The following BUD23 variants were observed in gnomAD, a reference collection of about 807,000 sequenced individuals.
BUD23 encodes the protein 18S rRNA (guanine-N(7))-methyltransferase.
A neutral mutation model predicts 47.0 loss-of-function variants in BUD23; 34 were observed. The observed-to-expected ratio is 0.72, with a 90% CI of 0.55 to 0.96. The LOEUF (loss-of-function observed/expected upper bound fraction) is 0.96, where lower values mean the gene tolerates loss of function less well. Ranked by LOEUF, BUD23 falls within the 40% of genes least tolerant of loss-of-function variation. The pLI is 0.00. For missense variants in BUD23, 343 were observed against 361.2 expected (o/e 0.95, Z 0.41); for synonymous variants, 124 against 132.0 (o/e 0.94, Z 0.41).
intron 9 of BUD23, 87 bp downstream of exon 9, chr7:73,693,756 C>G: frequency 6.4e-7 from 1 of 1,560,316 alleles, no homozygotes; most frequent in Admixed American, 1.7e-5. Context: ...TGGGAGAACA[C>G]TGGTGGGGAA....
chr7:73,684,528 G>A (rs1339750743), intron 2 of BUD23, among the ~76,000 whole-genome samples: 1 of 149,362 alleles, frequency 6.7e-6, no homozygotes, highest in Non-Finnish European at 1.5e-5. Flanking sequence ...CCAAGCCCAG[G>A]GCTCAAGCGA....
Position 73,690,981 on chromosome 7 carries a change from A to G in BUD23, c.428A>G (p.Tyr143Cys), listed in dbSNP as rs537277207. Residue 143 changes from tyrosine to cysteine, a missense_variant, in exon 6 of 12, where the codon TAC (tyrosine) becomes TGC (cysteine). Tyr to Cys is a radical substitution (Grantham distance 194). Transcript: ENST00000265758. ...KKSENPAKRL[Y>C]CFFASLFSVL... is the part of the protein sequence containing the mutation. Reference sequence around the variant, plus strand: ...TCTGAAAACCCTGCCAAGCGCCTGTACTGCTTTTTTGCTTCTCTTTTTTCT... The same window carrying G: ...TCTGAAAACCCTGCCAAGCGCCTGTGCTGCTTTTTTGCTTCTCTTTTTTCT... 6.2e-7 allele frequency: 1 copy of G among 1,614,158 alleles called. No individual in the cohort carries two copies. Among genetic ancestry groups the G allele is most frequent in the South Asian group, 1.1e-5 (1 of 91,084 alleles).
chr7:73,697,812 C>G lies in BUD23; in HGVS notation c.792-20C>G. On this transcript the variant is annotated intron_variant, in intron 11 of 11. Transcript: ENST00000265758. ...TTTGATCTTTTTTTTCTGAGACTGT[C>G]CTATTCCTTTTCTGCACAGGGAAGT... 1 of 1,613,156 alleles carries G rather than the reference C, an allele frequency of 6.2e-7. No homozygotes were observed.
chr7:73,686,141 C>T (rs1478990999), intron 2 of BUD23, among the ~76,000 whole-genome samples: 1 of 151,796 alleles, frequency 6.6e-6, no homozygotes, highest in Non-Finnish European at 1.5e-5. Context: ...TTACCTGTTT[C>T]TTTAAGTTTC....
rs782477636 is a variant in BUD23, at chr7:73,687,136, G to A, written c.362+41G>A. 6 of 1,597,602 alleles carry A rather than the reference G, an allele frequency of 3.8e-6. No homozygotes were observed. The Admixed American group carries it at 1.0e-4, about 27-fold the overall frequency. ...TCCTGCTTTTATTTATTTAGAGACA[G>A]GGTCTCACTCTATCACTTAGGCTCT... On this transcript the variant is annotated intron_variant, in intron 5 of 11. Transcript: ENST00000265758.
chr7:73,697,909 G>C lies in BUD23; in HGVS notation c.*23G>C. 3.1e-6 allele frequency: 5 copies of C among 1,606,032 alleles called. No individual in the cohort carries two copies. The highest frequency in any genetic ancestry group is 4.2e-6 in the Non-Finnish European group (5 of 1,177,832). ...TAAGTCACCACGCGGTTCTGGAAAG[G>C]CACTTGCCTCTGCACTTTTCTATAT... On this transcript the variant is annotated 3_prime_UTR_variant, in exon 12 of 12. Coordinates refer to ENST00000265758, the MANE Select transcript of BUD23 (RefSeq NM_017528.5).
At chr7:73,691,178 A>G (rs1798181567) in intron 6 of BUD23, among the ~76,000 whole-genome samples, 166 bp downstream of exon 6, 2 of 152,176 alleles carry the variant, frequency 1.3e-5, no homozygotes, top group African/African-American at 4.8e-5. Flanking sequence ...TCCTCAGCCT[A>G]AATGGAAGTT....
chr7:73,693,988 G>T lies in BUD23; in HGVS notation c.643-4G>T, dbSNP rs1798295325. The stretch of plus-strand genomic sequence containing the variant: ...GTGACCTGAGTGCACTTTGGTTCCT[G>T]CAGGGGCTGAGTGAAAATCAGGATG... On this transcript the variant is annotated splice_polypyrimidine_tract_variant and splice_region_variant and intron_variant, in intron 9 of 11. Coordinates refer to ENST00000265758, the MANE Select transcript of BUD23 (RefSeq NM_017528.5). 1.9e-6 allele frequency: 3 copies of T among 1,612,078 alleles called. No individual in the cohort carries two copies. The highest frequency in any genetic ancestry group is 1.3e-5 in the African/African-American group (1 of 74,746).
In BUD23 at chr7:73,685,918, C is replaced by T. The variant is rs373713176; in HGVS notation, c.87-718C>T. On this transcript the variant is annotated intron_variant, in intron 2 of 11. Coordinates refer to ENST00000265758, the MANE Select transcript of BUD23 (RefSeq NM_017528.5). ...AATCCTGGCTAACATGGTGAAACCC[C>T]GTCTCTACTGAAAATGCAAAAAAAA... Among the ~76,000 whole-genome samples, 125 of 148,958 alleles carry T rather than the reference C, an allele frequency of 8.4e-4. 1 individual carries two copies. In the South Asian group the frequency reaches 0.011, roughly 13 times the overall value.
At chr7:73,692,774 C>T in intron 7 of BUD23, 128 bp downstream of exon 7, 1 of 863,474 alleles carries the variant, frequency 1.2e-6, no homozygotes, top group Non-Finnish European at 1.8e-6. Flanking sequence ...CTAGTGTGGC[C>T]CCTGATGGCA....
intron 2 of BUD23, among the ~76,000 whole-genome samples, chr7:73,684,596 G>T (rs1181810831): frequency 9.6e-6 from 1 of 104,154 alleles, no homozygotes; most frequent in Non-Finnish European, 1.8e-5. Flanking sequence ...AGCGCACCTC[G>T]AGTCGTTAAA....
rs1554614421 is a variant in BUD23 at position 73,693,676 on chromosome 7, G to A, written c.642+7G>A. The A allele has an allele frequency of 6.2e-7, 1 of 1,614,070 alleles. No individual in the cohort carries two copies. The highest frequency in any genetic ancestry group is 8.5e-7 in the Non-Finnish European group (1 of 1,180,038). On this transcript the variant is annotated splice_region_variant and intron_variant, in intron 9 of 11. Transcript: ENST00000265758. The stretch of plus-strand genomic sequence containing the variant: ...TTCGACCTTTATACCAGAGGTGAGG[G>A]ACACTGGGTTTGCAGGCAGGCCTGT...
At chr7:73,687,171 T>A in intron 5 of BUD23, 76 bp downstream of exon 5, 1 of 1,467,662 alleles carries the variant, frequency 6.8e-7, no homozygotes, top group Non-Finnish European at 9.4e-7. Flanking sequence ...TAGTGCAGTG[T>A]CTGTGATTAT....
At chr7:73,687,126 T>A (rs781834681) in intron 5 of BUD23, 31 bp downstream of exon 5, 1 of 1,606,756 alleles carries the variant, frequency 6.2e-7, no homozygotes, top group Non-Finnish European at 8.5e-7. Context: ...CTTTTATTTA[T>A]TTAGAGACAG....
chr7:73,688,329 G>A (rs1421939808), intron 5 of BUD23, among the ~76,000 whole-genome samples: 6 of 152,106 alleles, frequency 3.9e-5, no homozygotes, highest in African/African-American at 1.4e-4. Flanking sequence ...TTCCAGCCTG[G>A]GTGACAGAGC....
intron 7 of BUD23, chr7:73,692,876 GTGATGCGAC>G: frequency 1.8e-6 from 1 of 562,472 alleles, no homozygotes; most frequent in Non-Finnish European, 3.2e-6. Context: ...TACAGATAAG[GTGATGCGAC>G]TGATTTCCAT....
intron 6 of BUD23, 46 bp from the exon 7 acceptor site, chr7:73,692,550 G>A (rs1798231694): frequency 6.3e-7 from 1 of 1,599,220 alleles, no homozygotes; most frequent in Admixed American, 1.7e-5. Flanking sequence ...CAGGCCCTAA[G>A]CTCATGCAGT....
rs200632856 is a variant in BUD23 at position 73,687,079 on chromosome 7, T to A, written c.346T>A (p.Phe116Ile). 57 of 1,613,626 alleles carry A rather than the reference T, an allele frequency of 3.5e-5. No individual in the cohort carries two copies. The highest frequency in any genetic ancestry group is 4.7e-5 in the Non-Finnish European group (55 of 1,180,028). ...GGGCATCCCATTCAAGCCAGGCACA[T>A]TTGATGGTTGCATCAGGTGAGGGTC... is the stretch of plus-strand genomic sequence containing the variant. ...GQGIPFKPGT[F>I]DGCISISAVQ... is the part of the protein sequence containing the mutation. The change falls in exon 5 of 12, where the codon TTT becomes ATT. Residue 116 changes from phenylalanine to isoleucine, a missense_variant. Physicochemically the swap from Phe to Ile is conservative, Grantham distance 21. Transcript: ENST00000265758.
chr7:73,694,949 G>C (rs1554614659), intron 10 of BUD23: 1 of 152,206 alleles, frequency 6.6e-6, no homozygotes. Context: ...TGCCCCCTCA[G>C]TGTCTATACC....
Sources: gnomAD v4.1 joint callset for allele counts (sites outside exome capture counted in the v4.1 genomes callset) on GRCh38, gnomAD v4.1.1 for gene constraint, MANE v1.5 for transcripts, NCBI Gene and HGNC (gene_info 2026-07-23, HGNC 2026-07-21) for gene names.